The following SLC24A1 variants were observed in gnomAD, a reference collection of about 807,000 sequenced individuals.
SLC24A1 encodes sodium/potassium/calcium exchanger 1.
SLC24A1 carries 52 observed loss-of-function variants against 88.1 expected under a neutral mutation model. The ratio of observed to expected loss-of-function variants is 0.59; its 90% confidence interval spans 0.47 to 0.74. The LOEUF is 0.74. Ranked by LOEUF, SLC24A1 falls within the 30% of genes least tolerant of loss-of-function variation. The pLI, the probability that SLC24A1 is intolerant of heterozygous loss-of-function variation, is 0.00. For missense variants in SLC24A1, 1,173 were observed against 1,363.3 expected, an observed-to-expected ratio of 0.86 and a Z score of 2.20; for synonymous variants, 455 against 498.0, an observed-to-expected ratio of 0.91 and a Z score of 1.15.
In SLC24A1 at chr15:65,636,820, G is replaced by A. The variant is rs183622853; in HGVS notation, c.1891-1308G>A. 1.7e-3 allele frequency among the ~76,000 whole-genome samples: 254 copies of A among 151,796 alleles called. 2 individuals carry two copies. Among genetic ancestry groups the A allele is most frequent in the Admixed American group, 0.012 (190 of 15,252 alleles). On this transcript the variant is annotated intron_variant, in intron 2 of 9. Coordinates refer to ENST00000261892, the MANE Select transcript of SLC24A1 (RefSeq NM_004727.3). ...GAACCCAGGAGGGGGAGGTTGCAGT[G>A]AGGCGATATTGCACCACTGCACTCC... is the stretch of plus-strand genomic sequence containing the variant.
intron 2 of SLC24A1, among the ~76,000 whole-genome samples, chr15:65,634,235 G>T (rs1391181062): frequency 6.6e-6 from 1 of 152,200 alleles, no homozygotes; most frequent in Non-Finnish European, 1.5e-5. Flanking sequence ...AGACTAACGT[G>T]TGGTTCAGGA....
At position 65,638,135 on chromosome 15, in the gene SLC24A1, AT is replaced by A; in HGVS notation, c.1899del (p.Asp633GlufsTer15). The A allele has an allele frequency of 1.9e-6, 3 of 1,609,994 alleles. No individual in the cohort carries two copies. The highest frequency in any genetic ancestry group is 2.2e-5 in the South Asian group (2 of 89,962). ...TCCTCTCCCTGTTTGCAGCCGGGCG[AT>A]GGGGCCATTGCGGTGGATGAGCTAC... Reference protein sequence around the residue: ...MALEDLSKPGDGAIAVDELQD... With the variant: ...MALEDLSKPGXGAIAVDELQD... On this transcript the variant is annotated frameshift_variant, in exon 3 of 10. Transcript: ENST00000261892. LOFTEE classifies it high-confidence loss of function.
rs2075055998 is a variant in SLC24A1 at position 65,639,621 on chromosome 15, C to G, written c.1971C>G (p.Ser657Arg). 6.2e-7 allele frequency: 1 copy of G among 1,611,694 alleles called. No homozygotes were observed. The highest frequency in any genetic ancestry group is 2.2e-5 in the East Asian group (1 of 44,800). The change falls in exon 4 of 10, where the codon AGC (serine) becomes AGG (arginine). Residue 657 changes from serine (S) to arginine (R), a missense_variant. By Grantham distance (110) the Ser-to-Arg change is moderately radical. Transcript: ENST00000261892. ...LKLPSLLTRG[S>R]SSTSLHNSTI... The stretch of plus-strand genomic sequence containing the variant: ...TCCCGTCCTTGCTGACCCGAGGGAG[C>G]AGCTCGACCTCTCTGCACAACAGCA...
At chr15:65,651,592 T>C (rs2075507511) in intron 7 of SLC24A1, 78 bp from the exon 8 acceptor site, 1 of 750,746 alleles carries the variant, frequency 1.3e-6, no homozygotes, top group Admixed American at 2.0e-5. Context: ...TGTCACTGAT[T>C]GTTGGGCTTG....
chr15:65,642,312 C>G (rs746796394), intron 4 of SLC24A1, among the ~76,000 whole-genome samples: 1 of 152,322 alleles, frequency 6.6e-6, no homozygotes, highest in East Asian at 1.9e-4. Flanking sequence ...GGTCTGAACT[C>G]TCACCTTCCC....
chr15:65,651,400 G>C (rs1374877784), intron 7 of SLC24A1, among the ~76,000 whole-genome samples: 1 of 152,158 alleles, frequency 6.6e-6, no homozygotes, highest in Non-Finnish European at 1.5e-5. Context: ...GATTGGCCTG[G>C]TTCTAGGGCA....
rs569914703 is a variant in SLC24A1 at position 65,624,017 on chromosome 15, C to T, written c.-64C>T. The T allele has an allele frequency of 1.1e-4, 164 of 1,426,950 alleles. 1 individual carries two copies. The African/African-American group carries it at 2.1e-3, about 18-fold the overall frequency. 88.4% of individuals were successfully genotyped at this position (1,426,950 alleles called of 1,614,324 possible). ...TCTTCTCTGATCACCAACCTGAATC[C>T]CAGAGTAGCCTCCATCTTAGGACAG... On this transcript the variant is annotated 5_prime_UTR_variant, in exon 2 of 10. Coordinates refer to ENST00000261892, the MANE Select transcript of SLC24A1 (RefSeq NM_004727.3).
At chr15:65,657,416 C>T (rs999656019), downstream of SLC24A1, among the ~76,000 whole-genome samples, 9 of 151,812 alleles carry the variant, frequency 5.9e-5, no homozygotes, top group African/African-American at 9.7e-5. Flanking sequence ...CCAAGGTGGG[C>T]GGATCACGAG....
chr15:65,625,405 C>A lies in SLC24A1; in HGVS notation c.1325C>A (p.Pro442Gln), dbSNP rs763880354. The change falls in exon 2 of 10, where the codon CCA becomes CAA. Residue 442 changes from proline to glutamine, a missense_variant. Coordinates refer to ENST00000261892, the MANE Select transcript of SLC24A1 (RefSeq NM_004727.3). ...PDLHPKGEYPPDLFSVEERRQ... is the reference protein window; with the variant it reads ...PDLHPKGEYPQDLFSVEERRQ... ...CTCCACCCCAAGGGAGAGTACCCCC[C>A]AGATCTGTTCAGTGTGGAGGAGCGG... is the stretch of plus-strand genomic sequence containing the variant. 6 of 1,613,956 alleles carry A rather than the reference C, an allele frequency of 3.7e-6. No individual in the cohort carries two copies. Among genetic ancestry groups the A allele is most frequent in the Middle Eastern group, 1.6e-4 (1 of 6,084 alleles).
At chr15:65,657,053 T>C (rs2075705792), downstream of SLC24A1, among the ~76,000 whole-genome samples, 1 of 151,964 alleles carries the variant, frequency 6.6e-6, no homozygotes, top group Non-Finnish European at 1.5e-5. Context: ...TATTTTTTTG[T>C]AGAGATAGGG....
intron 2 of SLC24A1, among the ~76,000 whole-genome samples, chr15:65,627,497 T>C (rs1393394945): frequency 6.6e-6 from 1 of 152,106 alleles, no homozygotes; most frequent in African/African-American, 2.4e-5. Flanking sequence ...GTCTCCTAAC[T>C]CCCCATTCAG....
intron 4 of SLC24A1, among the ~76,000 whole-genome samples, chr15:65,641,465 CAG>C (rs1468168068): frequency 6.6e-6 from 1 of 150,786 alleles, no homozygotes; most frequent in Non-Finnish European, 1.5e-5. Context: ...AAGGTAAGAA[CAG>C]AGAGAGAGAG....
chr15:65,660,441 T>C, downstream of SLC24A1: 1 of 657,050 alleles, frequency 1.5e-6, no homozygotes, highest in Non-Finnish European at 2.5e-6. Flanking sequence ...AATTTGGGAC[T>C]ATCCATTTTT....
Position 65,654,138 on chromosome 15 carries a change from T to C in SLC24A1, c.*59T>C, listed in dbSNP as rs1797375227. ...AGAAGACCATGCAGAAGTTACTGTA[T>C]CTCTTGTGACCCTAATGAAAGAATG... On this transcript the variant is annotated 3_prime_UTR_variant, in exon 10 of 10. Transcript: ENST00000261892. 4 of 1,572,166 alleles carry C rather than the reference T, an allele frequency of 2.5e-6. No individual in the cohort carries two copies. Among genetic ancestry groups the C allele is most frequent in the African/African-American group, 1.4e-5 (1 of 73,826 alleles).
In SLC24A1 at chr15:65,650,673, A is replaced by C; in HGVS notation, c.2524A>C (p.Lys842Gln). 6.5e-7 allele frequency: 1 copy of C among 1,546,812 alleles called. No individual in the cohort carries two copies. The highest frequency in any genetic ancestry group is 1.2e-5 in the South Asian group (1 of 83,470). The part of the protein sequence containing the change: ...ELSAENHGEA[K>Q]NDEKGVEDGG... Reference sequence around the variant, plus strand: ...CAGTGCTGAAAATCACGGTGAAGCCAAAAATGATGAGAAAGGTGTAGAAGA... The same window carrying C: ...CAGTGCTGAAAATCACGGTGAAGCCCAAAATGATGAGAAAGGTGTAGAAGA... Residue 842 changes from lysine (K) to glutamine (Q), a missense_variant, in exon 7 of 10, where the codon AAA (lysine) becomes CAA (glutamine). Coordinates refer to ENST00000261892, the MANE Select transcript of SLC24A1 (RefSeq NM_004727.3). This position sits in a 1 kb window ranked among gnomAD's most constrained non-coding sequence, Gnocchi z 4.1.
At chr15:65,648,267 A>C (rs2075375388) in intron 6 of SLC24A1, among the ~76,000 whole-genome samples, 1 of 152,078 alleles carries the variant, frequency 6.6e-6, no homozygotes, top group South Asian at 2.1e-4. Flanking sequence ...CTCAAAACAA[A>C]AAAAAAAGCC....
intron 9 of SLC24A1, chr15:65,653,063 A>G (rs930027513): frequency 3.1e-6 from 1 of 323,004 alleles, no homozygotes; most frequent in Non-Finnish European, 5.7e-6. Context: ...ATTTCATTCC[A>G]TTACCAAATA....
At chr15:65,658,534 C>T (rs963379996), downstream of SLC24A1, 1 of 152,164 alleles carries the variant, frequency 6.6e-6, no homozygotes, top group African/African-American at 2.4e-5. Flanking sequence ...TTGAGTATCC[C>T]TTATCAGAAA....
chr15:65,660,078 G>A (rs2075807672), downstream of SLC24A1: 2 of 487,168 alleles, frequency 4.1e-6, no homozygotes, highest in East Asian at 3.3e-5. Flanking sequence ...TCTCTCAGTT[G>A]ACAACTTTCA....
Sources: gnomAD v4.1 joint callset for allele counts (sites outside exome capture counted in the v4.1 genomes callset) on GRCh38, gnomAD v4.1.1 for gene constraint, Gnocchi (gnomAD v3.1) non-coding constraint, MANE v1.5 for transcripts, NCBI Gene and HGNC (gene_info 2026-07-23, HGNC 2026-07-21) for gene names.